ATP13A4: variants seen among roughly 807,000 people sequenced by gnomAD.
The protein encoded by ATP13A4 is probable cation-transporting ATPase 13A4.
Under a neutral mutation model 142.5 loss-of-function variants are expected in ATP13A4, and 114 were observed. The observed-to-expected ratio is 0.80, with a 90% CI of 0.69 to 0.93. The LOEUF (loss-of-function observed/expected upper bound fraction) is 0.93, where lower values mean the gene tolerates loss of function less well. Ranked by LOEUF, ATP13A4 falls within the 40% of genes least tolerant of loss-of-function variation. The pLI, the probability that ATP13A4 is intolerant of heterozygous loss-of-function variation, is 0.00. For synonymous variants in ATP13A4, 488 were observed against 514.8 expected (o/e 0.95, Z 0.70); for missense variants, 1,392 against 1,454.0 (o/e 0.96, Z 0.69).
chr3:193,529,728 AATG>A (rs1201395716), intron 1 of ATP13A4, among the ~76,000 whole-genome samples: 1 of 152,154 alleles, frequency 6.6e-6, no homozygotes, highest in Non-Finnish European at 1.5e-5. Context: ...CCCACAGAGG[AATG>A]ATAACAGTAG....
intron 8 of ATP13A4, among the ~76,000 whole-genome samples, chr3:193,480,086 C>T (rs745633900): frequency 2.6e-5 from 4 of 152,088 alleles, no homozygotes; most frequent in African/African-American, 4.8e-5. Context: ...ACTGAATCCT[C>T]TTCTCTCACC....
chr3:193,470,564 A>G (rs189942599), intron 9 of ATP13A4, among the ~76,000 whole-genome samples: 122 of 152,352 alleles, frequency 8.0e-4, no homozygotes, highest in African/African-American at 2.3e-3. Flanking sequence ...GATCTCTACA[A>G]TCTTTTAAGG....
rs535659360 is a variant in ATP13A4 at position 193,446,059 on chromosome 3, A to C, written c.2152+2147T>G. Among the ~76,000 whole-genome samples, 6 of 152,296 alleles carry C rather than the reference A, an allele frequency of 3.9e-5. No homozygotes were observed. In the South Asian group the frequency reaches 1.2e-3, roughly 32 times the overall value. On this transcript the variant is annotated intron_variant, in intron 18 of 29. Transcript: ENST00000342695. ...ATGCCTGCAGTCCCAGTTACTAAGA[A>C]GGCTTAGGCAGGAGGATCGCTTGAG...
At chr3:193,450,781 G>A (rs983857902) in intron 17 of ATP13A4, among the ~76,000 whole-genome samples, 2 of 152,148 alleles carry the variant, frequency 1.3e-5, no homozygotes, top group African/African-American at 2.4e-5. Context: ...TGTCTCTGAG[G>A]AACTTCTGAG....
intron 8 of ATP13A4, among the ~76,000 whole-genome samples, chr3:193,477,582 T>TTA (rs1365076985): frequency 6.6e-6 from 1 of 152,034 alleles, no homozygotes; most frequent in Non-Finnish European, 1.5e-5. Context: ...AAACAATGGG[T>TTA]TATAGACACT....
chr3:193,579,360 C>T (rs974039757), intron 2 of ATP13A4: 3 of 233,258 alleles, frequency 1.3e-5, no homozygotes, highest in African/African-American at 2.3e-5. Context: ...TGGACCTGCT[C>T]GAATCTACGT....
rs564383290 is a variant in ATP13A4, at chr3:193,516,807, G to A, written c.61-1936C>T. Among the ~76,000 whole-genome samples, 6 of 152,190 alleles carry A rather than the reference G, an allele frequency of 3.9e-5. No individual in the cohort carries two copies. The South Asian group carries it at 6.2e-4, about 16-fold the overall frequency. On this transcript the variant is annotated intron_variant, in intron 1 of 29. Transcript: ENST00000342695. ...TTCTTTTTTGGGCTACGCAGTGAGG[G>A]CTCTCTACAGTTTCCAAAGTGTCTT...
At chr3:193,525,896 T>C (rs1329929989) in intron 1 of ATP13A4, among the ~76,000 whole-genome samples, 1 of 152,064 alleles carries the variant, frequency 6.6e-6, no homozygotes. Flanking sequence ...CTTTTCCATA[T>C]ACAGGAAGTT....
chr3:193,573,325 AT>A (rs1560287431), intron 2 of ATP13A4, among the ~76,000 whole-genome samples: 9 of 62,058 alleles, frequency 1.5e-4, no homozygotes, highest in Non-Finnish European at 2.8e-4. Flanking sequence ...ATATATATAT[AT>A]AATTTGTATC....
intron 3 of ATP13A4, among the ~76,000 whole-genome samples, chr3:193,499,750 G>C (rs1258123812): frequency 6.6e-6 from 1 of 152,200 alleles, no homozygotes; most frequent in Non-Finnish European, 1.5e-5. Context: ...AGGACAAATT[G>C]TGGTTCCAAT....
At chr3:193,494,388 A>C (rs1720111611) in intron 3 of ATP13A4, among the ~76,000 whole-genome samples, 1 of 152,082 alleles carries the variant, frequency 6.6e-6, no homozygotes, top group South Asian at 2.1e-4. Flanking sequence ...GTCACAAAAA[A>C]GTCTTAACAA....
rs371302805 is a variant in ATP13A4 at position 193,453,090 on chromosome 3, C to T, written c.2027+1011G>A. ...TGTAGATGTTGCAGCCTCAATTATT[C>T]TATACACAGGTACAAGCAACTTGTT... is the stretch of plus-strand genomic sequence containing the variant. On this transcript the variant is annotated intron_variant, in intron 17 of 29. Transcript: ENST00000342695. Among the ~76,000 whole-genome samples the T allele has an allele frequency of 7.2e-5, 11 of 152,156 alleles. No homozygotes were observed. The South Asian group carries it at 2.3e-3, about 32-fold the overall frequency.
chr3:193,406,184 GC>G (rs773956034), intron 29 of ATP13A4, among the ~76,000 whole-genome samples: 12 of 152,154 alleles, frequency 7.9e-5, no homozygotes, highest in Admixed American at 2.0e-4. Context: ...TGATTCTGAT[GC>G]CCACTCAAGT....
intron 1 of ATP13A4, among the ~76,000 whole-genome samples, chr3:193,522,861 G>A (rs1023057795): frequency 6.6e-6 from 1 of 151,966 alleles, no homozygotes; most frequent in Non-Finnish European, 1.5e-5. Flanking sequence ...AGGCTTTCAT[G>A]TGATGAGGAA....
At chr3:193,549,441 G>T (rs773120918) in intron 1 of ATP13A4, among the ~76,000 whole-genome samples, 3,946 of 151,488 alleles carry the variant, frequency 0.026, 62 homozygotes, top group Non-Finnish European at 0.031. Context: ...TATAGAGAGA[G>T]AGAGAGAGAG....
At chr3:193,424,756 G>T (rs1047986707) in intron 25 of ATP13A4, among the ~76,000 whole-genome samples, 1 of 149,646 alleles carries the variant, frequency 6.7e-6, no homozygotes, top group African/African-American at 2.5e-5. Context: ...TCATGGTTTT[G>T]ATTTGGGCAA....
In ATP13A4 at chr3:193,399,045, T is replaced by G. The variant is rs1210784353; in HGVS notation, c.*3607A>C. On this transcript the variant is annotated 3_prime_UTR_variant, in exon 30 of 30. Transcript: ENST00000342695. ...AATAAATAATCGTTTTTTTCAGTCATCACATCTGCAGGTGTGTATGTGAAC... is the reference window on the plus strand; with the variant it reads ...AATAAATAATCGTTTTTTTCAGTCAGCACATCTGCAGGTGTGTATGTGAAC... Among the ~76,000 whole-genome samples the G allele has an allele frequency of 6.6e-6, 1 of 152,180 alleles. No individual in the cohort carries two copies.
Position 193,441,463 on chromosome 3 carries a change from T to C in ATP13A4, c.2439+3A>G, listed in dbSNP as rs1716635644. On this transcript the variant is annotated splice_donor_region_variant and intron_variant, in intron 20 of 29. Coordinates refer to ENST00000342695, the MANE Select transcript of ATP13A4 (RefSeq NM_032279.4). ...GGGAGATTGTCACCCTCTTAGAACT[T>C]ACCTTTGGCAGTAGGCTGCTGAAAT... 6.2e-7 allele frequency: 1 copy of C among 1,613,676 alleles called. No homozygotes were observed. Among genetic ancestry groups the C allele is most frequent in the African/African-American group, 1.3e-5 (1 of 74,932 alleles).
At chr3:193,496,106 T>C (rs555751156) in intron 3 of ATP13A4, among the ~76,000 whole-genome samples, 8 of 152,316 alleles carry the variant, frequency 5.3e-5, no homozygotes, top group African/African-American at 1.9e-4. Flanking sequence ...TCCATTCTCA[T>C]GGATTGAAAG....
Sources: allele counts gnomAD v4.1 joint callset (sites outside exome capture counted in the v4.1 genomes callset), GRCh38; gene constraint gnomAD v4.1.1; transcripts MANE v1.5; gene names NCBI Gene and HGNC (gene_info 2026-07-23, HGNC 2026-07-21).